Variants in MYPOP observed in about 807,000 individuals in gnomAD.
The protein encoded by MYPOP is myb-related transcription factor, partner of profilin.
In MYPOP, 21 loss-of-function variants were observed where a neutral mutation model predicts 25.7. The observed-to-expected ratio is 0.82, with a 90% CI of 0.58 to 1.18. The LOEUF (loss-of-function observed/expected upper bound fraction) is 1.18, where lower values mean the gene tolerates loss of function less well. MYPOP is among the 50% of genes most tolerant of loss of function. MYPOP has a pLI of 0.00. For missense variants in MYPOP, 566 were observed against 588.3 expected, an observed-to-expected ratio of 0.96 and a Z score of 0.39; for synonymous variants, 280 against 247.9, an observed-to-expected ratio of 1.13 and a Z score of -1.22.
At chr19:45,895,881 C>T (rs1967196726) in intron 2 of MYPOP, among the ~76,000 whole-genome samples, 1 of 152,012 alleles carries the variant, frequency 6.6e-6, no homozygotes. Flanking sequence ...ATGTTCCTTC[C>T]TCGGGGAAGC....
Position 45,890,824 on chromosome 19 carries a change from G to A in MYPOP, c.999C>T (p.Ile333=). The A allele has an allele frequency of 7.2e-7, 1 of 1,394,492 alleles. No individual in the cohort carries two copies. The highest frequency in any genetic ancestry group is 9.4e-7 in the Non-Finnish European group (1 of 1,068,866). 86.4% of individuals were successfully genotyped at this position (1,394,492 alleles called of 1,614,324 possible). The part of the protein sequence containing the change: ...VLPPPAPKVE[I]TPEPVSVVAA... ...CCACCACGGACACGGGCTCTGGGGT[G>A]ATCTCCACCTTGGGGGCCGGTGGGG... is the stretch of plus-strand genomic sequence containing the variant. Residue 333 remains isoleucine (I), a synonymous_variant, in exon 3 of 3, where the codon ATC becomes ATT. Coordinates refer to ENST00000322217, the MANE Select transcript of MYPOP (RefSeq NM_001012643.4).
chr19:45,898,744 T>C (rs150478688), intron 2 of MYPOP, among the ~76,000 whole-genome samples: 1 of 152,124 alleles, frequency 6.6e-6, no homozygotes, highest in Non-Finnish European at 1.5e-5. Context: ...TCAGGCCTAC[T>C]CTATTCCCAT....
Position 45,890,713 on chromosome 19 carries a change from T to TGGGGGGGGGGGGGGGGGGTG in MYPOP, c.1109_1110insCACCCCCCCCCCCCCCCCCC (p.Ala371ThrfsTer42). The TGGGGGGGGGGGGGGGGGGTG allele has an allele frequency of 3.8e-6, 1 of 265,122 alleles. No homozygotes were observed. The highest frequency in any genetic ancestry group is 6.4e-6 in the Non-Finnish European group (1 of 157,226). The allele number at this position is 265,122 out of a possible 1,614,324, so 16.4% of individuals were successfully genotyped here. A position where few individuals can be genotyped will look rare whatever the true frequency, so the allele number is the denominator to read the frequency against. Reference sequence around the variant, plus strand: ...GGGAGTCGTGCGGAGGGAGCGGGGCTGGGGGGGGCCGGGGTGCCCCCTCCT... The same window carrying TGGGGGGGGGGGGGGGGGGTG: ...GGGAGTCGTGCGGAGGGAGCGGGGCTGGGGGGGGGGGGGGGGGGTGGGGGGGGGCCGGGGTGCCCCCTCCT... On this transcript the variant is annotated frameshift_variant, in exon 3 of 3. Coordinates refer to ENST00000322217, the MANE Select transcript of MYPOP (RefSeq NM_001012643.4). LOFTEE classifies it high-confidence loss of function.
Position 45,901,379 on chromosome 19 carries a change from C to T in MYPOP, c.395G>A (p.Gly132Glu). Residue 132 changes from glycine (G) to glutamate (E), a missense_variant, in exon 2 of 3, where the codon GGG (glycine) becomes GAG (glutamate). Physicochemically the swap from Gly to Glu is moderately conservative, Grantham distance 98 (BLOSUM62 -2). Transcript: ENST00000322217. The surrounding 1 kb of genome is among the most constrained non-coding windows in gnomAD (Gnocchi z 5.7). Reference protein sequence around the residue: ...PGVAAPGAGAGAEEPPAAPSS... With the variant: ...PGVAAPGAGAEAEEPPAAPSS... ...GGGGGCCGCAGGGGGCTCCTCCGCC[C>T]CAGCACCTGCCCCCGGCGCCGCCAC... 6.7e-7 allele frequency: 1 copy of T among 1,502,658 alleles called. No individual in the cohort carries two copies. Among genetic ancestry groups the T allele is most frequent in the East Asian group, 2.5e-5 (1 of 40,560 alleles). The allele number at this position is 1,502,658 out of a possible 1,614,324, so 93.1% of individuals were successfully genotyped here. A position where few individuals can be genotyped will look rare whatever the true frequency, so the allele number is the denominator to read the frequency against.
At chr19:45,892,957 G>A (rs536841692) in intron 2 of MYPOP, among the ~76,000 whole-genome samples, 1 of 152,294 alleles carries the variant, frequency 6.6e-6, no homozygotes, top group African/African-American at 2.4e-5. Flanking sequence ...GATCACAGGG[G>A]CCATTTATAT....
At position 45,891,272 on chromosome 19, in the gene MYPOP, C is replaced by G. The variant is rs779480339; in HGVS notation, c.551G>C (p.Arg184Pro). 1 of 1,550,564 alleles carries G rather than the reference C, an allele frequency of 6.4e-7. No homozygotes were observed. ...CCCTTCCTGGGGAGTGCAGGAGGGC[C>G]GGGCCCATGGCTCCGGGCTGCTGGA... Reference protein sequence around the residue: ...AGSSSPEPWARPSCTPQEGGC... With the variant: ...AGSSSPEPWAPPSCTPQEGGC... Residue 184 changes from arginine to proline, a missense_variant, in exon 3 of 3, where the codon CGG (arginine) becomes CCG (proline). Transcript: ENST00000322217.
intron 2 of MYPOP, among the ~76,000 whole-genome samples, chr19:45,891,608 T>C (rs911014087): frequency 1.3e-5 from 2 of 152,026 alleles, no homozygotes; most frequent in African/African-American, 2.4e-5. Context: ...GGCTACTTTT[T>C]CTATTTTTAA....
In MYPOP at chr19:45,890,720, G is replaced by A. The variant is rs752905407; in HGVS notation, c.1103C>T (p.Pro368Leu). 42 of 1,571,072 alleles carry A rather than the reference G, an allele frequency of 2.7e-5. No homozygotes were observed. Among genetic ancestry groups the A allele is most frequent in the Admixed American group, 2.2e-4 (12 of 55,432 alleles). Reference sequence around the variant, plus strand: ...GTGCGGAGGGAGCGGGGCTGGGGGGGGCCGGGGTGCCCCCTCCTCGCTCCT... The same window carrying A: ...GTGCGGAGGGAGCGGGGCTGGGGGGAGCCGGGGTGCCCCCTCCTCGCTCCT... ...APRSEEGAPR[P>L]PPAPLPPHDS... The change falls in exon 3 of 3, where the codon CCC becomes CTC. Residue 368 changes from proline (P) to leucine (L), a missense_variant. By Grantham distance (98) the Pro-to-Leu change is moderately conservative. Coordinates refer to ENST00000322217, the MANE Select transcript of MYPOP (RefSeq NM_001012643.4).
rs764832787 is a variant in MYPOP at position 45,890,714 on chromosome 19, G to C, written c.1109C>G (p.Pro370Arg). 19 of 1,561,394 alleles carry C rather than the reference G, an allele frequency of 1.2e-5. No homozygotes were observed. The highest frequency in any genetic ancestry group is 1.8e-5 in the Admixed American group (1 of 54,292). Residue 370 changes from proline to arginine, a missense_variant, in exon 3 of 3, where the codon CCA becomes CGA. Pro to Arg is a moderately radical substitution (Grantham distance 103). Coordinates refer to ENST00000322217, the MANE Select transcript of MYPOP (RefSeq NM_001012643.4). Reference protein sequence around the residue: ...RSEEGAPRPPPAPLPPHDSPP... With the variant: ...RSEEGAPRPPRAPLPPHDSPP... ...GGAGTCGTGCGGAGGGAGCGGGGCT[G>C]GGGGGGGCCGGGGTGCCCCCTCCTC...
intron 2 of MYPOP, among the ~76,000 whole-genome samples, chr19:45,897,343 G>C (rs1967220926): frequency 6.6e-6 from 1 of 151,410 alleles, no homozygotes; most frequent in African/African-American, 2.4e-5. Flanking sequence ...GATTACAGGT[G>C]TGAGCCACCA....
Position 45,901,682 on chromosome 19 carries a change from T to G in MYPOP, c.92A>C (p.Glu31Ala). 6.2e-7 allele frequency: 1 copy of G among 1,608,256 alleles called. No homozygotes were observed. Among genetic ancestry groups the G allele is most frequent in the Non-Finnish European group, 8.5e-7 (1 of 1,178,582 alleles). ...GAGCTGCGGGTAGTGGGCGCGCACC[T>G]CGCGGATCAGGATCTGGTTCTCTTC... is the stretch of plus-strand genomic sequence containing the variant. ...SFEENQILIR[E>A]VRAHYPQLYG... Residue 31 changes from glutamate (E) to alanine (A), a missense_variant, in exon 2 of 3, where the codon GAG (glutamate) becomes GCG (alanine). Physicochemically the swap from Glu to Ala is moderately radical, Grantham distance 107. Transcript: ENST00000322217. This position sits in a 1 kb window ranked among gnomAD's most constrained non-coding sequence, Gnocchi z 5.7.
Position 45,891,337 on chromosome 19 carries a change from A to T in MYPOP, c.500-14T>A. On this transcript the variant is annotated splice_polypyrimidine_tract_variant and intron_variant, in intron 2 of 2. Coordinates refer to ENST00000322217, the MANE Select transcript of MYPOP (RefSeq NM_001012643.4). Reference sequence around the variant, plus strand: ...GGGCTGATGTATCTGTAGAGAGAGAAATACAGGTAAGGGGTGAGCGACCCT... The same window carrying T: ...GGGCTGATGTATCTGTAGAGAGAGATATACAGGTAAGGGGTGAGCGACCCT... 6.8e-7 allele frequency: 1 copy of T among 1,473,706 alleles called. No homozygotes were observed. Among genetic ancestry groups the T allele is most frequent in the Non-Finnish European group, 8.9e-7 (1 of 1,117,358 alleles). 91.3% of individuals were successfully genotyped at this position (1,473,706 alleles called of 1,614,324 possible). A position where few individuals can be genotyped will look rare whatever the true frequency, so the allele number is the denominator to read the frequency against.
Position 45,901,017 on chromosome 19 carries a change from A to G in MYPOP, c.499+258T>C, listed in dbSNP as rs1273172858. ...GAGTCACTACTCGACACTGCATTTAATGAAATCCTGCCTGTGCTGATGACC... is the reference window on the plus strand; with the variant it reads ...GAGTCACTACTCGACACTGCATTTAGTGAAATCCTGCCTGTGCTGATGACC... On this transcript the variant is annotated intron_variant, in intron 2 of 2. Transcript: ENST00000322217. The surrounding 1 kb of genome is among the most constrained non-coding windows in gnomAD (Gnocchi z 5.7). Among the ~76,000 whole-genome samples the G allele has an allele frequency of 6.6e-6, 1 of 152,172 alleles. No homozygotes were observed. Among genetic ancestry groups the G allele is most frequent in the African/African-American group, 2.4e-5 (1 of 41,432 alleles).
intron 2 of MYPOP, among the ~76,000 whole-genome samples, chr19:45,894,182 G>C (rs890685454): frequency 4.9e-5 from 7 of 142,568 alleles, no homozygotes; most frequent in Non-Finnish European, 7.7e-5. Context: ...GTGTGATCTC[G>C]GCTCACTGCA....
At chr19:45,895,669 G>A (rs1232819834) in intron 2 of MYPOP, among the ~76,000 whole-genome samples, 1 of 151,984 alleles carries the variant, frequency 6.6e-6, no homozygotes, top group Non-Finnish European at 1.5e-5. Flanking sequence ...TTTCTTTAAC[G>A]AGAAAAGAAC....
chr19:45,897,469 C>T (rs1278534271), intron 2 of MYPOP, among the ~76,000 whole-genome samples: 2 of 152,134 alleles, frequency 1.3e-5, no homozygotes, highest in Non-Finnish European at 2.9e-5. Context: ...GTGGCTTTTC[C>T]AGTCTACTGA....
chr19:45,895,080 T>C (rs774443220), intron 2 of MYPOP, among the ~76,000 whole-genome samples: 2 of 152,186 alleles, frequency 1.3e-5, no homozygotes, highest in Non-Finnish European at 2.9e-5. Flanking sequence ...CAAACCGTCC[T>C]GTGGCTCTCA....
chr19:45,891,119 T>C lies in MYPOP; in HGVS notation c.704A>G (p.Gln235Arg), dbSNP rs753542864. 3 of 690,574 alleles carry C rather than the reference T, an allele frequency of 4.3e-6. No homozygotes were observed. The highest frequency in any genetic ancestry group is 5.3e-6 in the Non-Finnish European group (3 of 570,128). 42.8% of individuals were successfully genotyped at this position (690,574 alleles called of 1,614,324 possible). Residue 235 changes from glutamine to arginine, a missense_variant, in exon 3 of 3, where the codon CAA (glutamine) becomes CGA (arginine). Transcript: ENST00000322217. Reference sequence around the variant, plus strand: ...GGGGCTAGGGGGTGAGGGTGCCACTTGGGCCAGTGGCGGTGGGGGTGGCAG... The same window carrying C: ...GGGGCTAGGGGGTGAGGGTGCCACTCGGGCCAGTGGCGGTGGGGGTGGCAG... ...PPLPPPPPLAQVAPSPPSPPP... is the reference protein window; with the variant it reads ...PPLPPPPPLARVAPSPPSPPP...
At chr19:45,899,433 GC>G (rs1967256369) in intron 2 of MYPOP, among the ~76,000 whole-genome samples, 1 of 152,180 alleles carries the variant, frequency 6.6e-6, no homozygotes, top group Non-Finnish European at 1.5e-5. Context: ...GTCCTATGGG[GC>G]CATCTCACAG....
Sources: allele counts gnomAD v4.1 joint callset (sites outside exome capture counted in the v4.1 genomes callset), GRCh38; gene constraint gnomAD v4.1.1; non-coding constraint Gnocchi (gnomAD v3.1); transcripts MANE v1.5; gene names NCBI Gene and HGNC (gene_info 2026-07-23, HGNC 2026-07-21).